Variants in SLC4A10 observed in about 807,000 individuals in gnomAD.
SLC4A10 encodes the protein sodium-driven chloride bicarbonate exchanger.
Under a neutral mutation model 137.7 loss-of-function variants are expected in SLC4A10, and 42 were observed. The ratio of observed to expected loss-of-function variants is 0.30; its 90% CI spans 0.24 to 0.39. The LOEUF (loss-of-function observed/expected upper bound fraction) is 0.39, where lower values mean the gene tolerates loss of function less well. Among genes scored for constraint, SLC4A10 ranks in the 10% least tolerant of loss-of-function variants. The pLI is 1.00. For missense variants in SLC4A10, 925 were observed against 1,355.0 expected, an observed-to-expected ratio of 0.68 and a Z score of 4.98; for synonymous variants, 474 against 464.1, an observed-to-expected ratio of 1.02 and a Z score of -0.27.
In SLC4A10 at chr2:161,779,506, A is replaced by G. The variant is rs181576908; in HGVS notation, c.130+8452A>G. ...TCACCCAGTGCATTCCTGAGCTCTT[A>G]AAGATAACTAAAATTGTTTTCTAAC... On this transcript the variant is annotated intron_variant, in intron 2 of 26. Transcript: ENST00000446997. Among the ~76,000 whole-genome samples the G allele has an allele frequency of 9.6e-4, 146 of 152,158 alleles. 1 individual carries two copies. The East Asian group carries it at 0.024, about 25-fold the overall frequency.
At chr2:161,771,224 G>A (rs948176295) in intron 2 of SLC4A10, among the ~76,000 whole-genome samples, 170 bp downstream of exon 2, 2 of 151,874 alleles carry the variant, frequency 1.3e-5, no homozygotes, top group Non-Finnish European at 2.9e-5. Context: ...ATGTCAATAG[G>A]CAGACCTGAA....
At chr2:161,953,676 A>G (rs1411888245) in intron 19 of SLC4A10, among the ~76,000 whole-genome samples, 2 of 152,142 alleles carry the variant, frequency 1.3e-5, no homozygotes, top group East Asian at 3.8e-4. Flanking sequence ...GTTGCACTGC[A>G]TAGGTGACTT....
intron 1 of SLC4A10, among the ~76,000 whole-genome samples, chr2:161,736,783 A>G (rs780020820): frequency 6.6e-6 from 1 of 152,146 alleles, no homozygotes; most frequent in Non-Finnish European, 1.5e-5. Context: ...ATGTAAATTT[A>G]AAACAATTGT....
At chr2:161,824,662 A>T (rs549116338) in intron 3 of SLC4A10, among the ~76,000 whole-genome samples, 1 of 152,246 alleles carries the variant, frequency 6.6e-6, no homozygotes, top group Non-Finnish European at 1.5e-5. Context: ...ACAAATTCAC[A>T]TTAGACAATC....
At chr2:161,663,108 C>A (rs967591754) in intron 1 of SLC4A10, among the ~76,000 whole-genome samples, 1 of 152,160 alleles carries the variant, frequency 6.6e-6, no homozygotes. Flanking sequence ...CTCTTGTTCA[C>A]AGTACCTCAT....
intron 3 of SLC4A10, among the ~76,000 whole-genome samples, chr2:161,807,818 AT>A (rs1301955124): frequency 6.6e-6 from 1 of 150,508 alleles, no homozygotes; most frequent in Non-Finnish European, 1.5e-5. Context: ...AAATAATCGA[AT>A]TAAACTTAGT....
intron 1 of SLC4A10, among the ~76,000 whole-genome samples, chr2:161,763,351 A>C (rs998309482): frequency 2.0e-5 from 3 of 152,178 alleles, no homozygotes; most frequent in Non-Finnish European, 4.4e-5. Context: ...TATAGGTCAG[A>C]GTCACAGCAA....
chr2:161,763,965 C>A (rs538203387), intron 1 of SLC4A10, among the ~76,000 whole-genome samples: 10 of 152,244 alleles, frequency 6.6e-5, no homozygotes, highest in African/African-American at 2.2e-4. Flanking sequence ...GGCAGAATGG[C>A]AGATTCATCT....
chr2:161,659,402 G>A (rs2037992830), intron 1 of SLC4A10, among the ~76,000 whole-genome samples: 1 of 152,128 alleles, frequency 6.6e-6, no homozygotes, highest in African/African-American at 2.4e-5. Flanking sequence ...GAGAATAATG[G>A]GGAGTGAGTG....
intron 24 of SLC4A10, among the ~76,000 whole-genome samples, chr2:161,974,970 A>G (rs1699152443): frequency 6.6e-6 from 1 of 152,198 alleles, no homozygotes; most frequent in African/African-American, 2.4e-5. Flanking sequence ...AGTATCAATT[A>G]GTGCCCAATT....
intron 1 of SLC4A10, among the ~76,000 whole-genome samples, chr2:161,663,725 C>A (rs1381058384): frequency 6.6e-6 from 1 of 151,992 alleles, no homozygotes; most frequent in Non-Finnish European, 1.5e-5. Flanking sequence ...CAGGGTATTA[C>A]AAACTTGGAG....
Position 161,901,067 on chromosome 2 carries a change from T to C in SLC4A10, c.1442+56T>C, listed in dbSNP as rs563864504. The C allele has an allele frequency of 4.6e-6, 6 of 1,310,696 alleles. No homozygotes were observed. The Admixed American group carries it at 9.9e-5, about 22-fold the overall frequency. 81.2% of individuals were successfully genotyped at this position (1,310,696 alleles called of 1,614,324 possible). On this transcript the variant is annotated intron_variant, in intron 12 of 26. Transcript: ENST00000446997. Reference sequence around the variant, plus strand: ...AGGACCAAATGACATACCATTCTTCTCTGTCAGAAATTGCTATTTTGGGAT... The same window carrying C: ...AGGACCAAATGACATACCATTCTTCCCTGTCAGAAATTGCTATTTTGGGAT...
intron 15 of SLC4A10, among the ~76,000 whole-genome samples, chr2:161,916,364 A>G (rs947671092): frequency 2.0e-5 from 3 of 152,166 alleles, no homozygotes; most frequent in Non-Finnish European, 4.4e-5. Context: ...AATTCTCTAT[A>G]TAGAATACAA....
chr2:161,817,489 A>C (rs973558162), intron 3 of SLC4A10, among the ~76,000 whole-genome samples: 1 of 151,930 alleles, frequency 6.6e-6, no homozygotes, highest in African/African-American at 2.4e-5. Context: ...GTTTAATTAG[A>C]TCCCATTTGT....
chr2:161,977,297 A>T (rs538018195), intron 25 of SLC4A10: 18 of 425,744 alleles, frequency 4.2e-5, no homozygotes, highest in Non-Finnish European at 7.1e-5. Flanking sequence ...TATATTTAGT[A>T]TAGTTCTAGT....
intron 1 of SLC4A10, among the ~76,000 whole-genome samples, chr2:161,767,094 CATATATATATATATATAT>C (rs770704286): frequency 0.093 from 3,716 of 40,164 alleles, 324 homozygotes; most frequent in African/African-American, 0.22. Flanking sequence ...AATTAAGAAG[CATATATATATATATATAT>C]ATATATATAT....
At chr2:161,861,751 A>G (rs2060445371) in intron 5 of SLC4A10, among the ~76,000 whole-genome samples, 1 of 152,202 alleles carries the variant, frequency 6.6e-6, no homozygotes, top group Non-Finnish European at 1.5e-5. Flanking sequence ...CTTGGCACCA[A>G]TATATGATAT....
At chr2:161,807,430 G>C (rs374677049) in intron 3 of SLC4A10, among the ~76,000 whole-genome samples, 2 of 152,056 alleles carry the variant, frequency 1.3e-5, no homozygotes, top group African/African-American at 4.8e-5. Context: ...GACCTTCTCT[G>C]TCATTGCACT....
intron 2 of SLC4A10, among the ~76,000 whole-genome samples, chr2:161,802,175 A>G (rs1381802968): frequency 2.6e-5 from 4 of 152,120 alleles, no homozygotes; most frequent in Non-Finnish European, 5.9e-5. Flanking sequence ...TATAGAAACT[A>G]TCTTTCAGCT....
Sources: gnomAD v4.1 joint callset for allele counts (sites outside exome capture counted in the v4.1 genomes callset) on GRCh38, gnomAD v4.1.1 for gene constraint, MANE v1.5 for transcripts, NCBI Gene and HGNC (gene_info 2026-07-23, HGNC 2026-07-21) for gene names.